The following NALF1 variants were observed in gnomAD, a reference collection of about 807,000 sequenced individuals.
The protein encoded by NALF1 is family with sequence similarity 155 member A.
A neutral mutation model predicts 48.4 loss-of-function variants in NALF1; 3 were observed. The observed-to-expected ratio is 0.06, with a 90% CI of 0.03 to 0.16. NALF1 has a LOEUF of 0.16. NALF1 is among the 10% of genes least tolerant of loss of function. NALF1 has a pLI of 1.00. For synonymous variants in NALF1, 262 were observed against 245.7 expected, an observed-to-expected ratio of 1.07 and a Z score of -0.62; for missense variants, 526 against 571.5, an observed-to-expected ratio of 0.92 and a Z score of 0.81.
At chr13:107,255,104 G>A (rs1880786042) in intron 1 of NALF1, among the ~76,000 whole-genome samples, 1 of 152,080 alleles carries the variant, frequency 6.6e-6, no homozygotes, top group Non-Finnish European at 1.5e-5. Context: ...TGGTACATGG[G>A]AAACATGTGT....
rs1555329321 is a variant in NALF1 at position 107,262,769 on chromosome 13, G to GCTCT, written c.916-52018_916-52015dup. On this transcript the variant is annotated intron_variant, in intron 1 of 2. Coordinates refer to ENST00000375915, the MANE Select transcript of NALF1 (RefSeq NM_001080396.3). ...ATATTAAGTTGCATAACCCACAGGC[G>GCTCT]CTCTCTCTCTCTCTCTCTCTCTCTC... 4.3e-3 allele frequency among the ~76,000 whole-genome samples: 617 copies of GCTCT among 144,064 alleles called. 4 individuals are homozygous for GCTCT. The highest frequency in any genetic ancestry group is 0.012 in the East Asian group (55 of 4,744). 94.5% of individuals were successfully genotyped at this position (144,064 alleles called of 152,430 possible).
intron 1 of NALF1, among the ~76,000 whole-genome samples, chr13:107,713,733 T>C (rs1442674825): frequency 2.6e-5 from 4 of 152,196 alleles, no homozygotes; most frequent in Non-Finnish European, 4.4e-5. Flanking sequence ...AACCAGCACA[T>C]ACATATGTGC....
chr13:107,443,277 G>C (rs1250388427), intron 1 of NALF1, among the ~76,000 whole-genome samples: 2 of 152,034 alleles, frequency 1.3e-5, no homozygotes, highest in Non-Finnish European at 2.9e-5. Context: ...GTGCAATAGT[G>C]CAATCTGGGC....
chr13:107,274,514 T>C (rs964984844), intron 1 of NALF1, among the ~76,000 whole-genome samples: 33 of 152,260 alleles, frequency 2.2e-4, no homozygotes, highest in East Asian at 7.7e-4. Context: ...GTGAGCTATG[T>C]TCGTACCACT....
intron 1 of NALF1, among the ~76,000 whole-genome samples, chr13:107,505,058 G>A (rs558917445): frequency 6.6e-6 from 1 of 151,968 alleles, no homozygotes; most frequent in South Asian, 2.1e-4. Context: ...AGCAGTAAAG[G>A]CTATGGAGAG....
At chr13:107,807,939 G>T (rs1472815429) in intron 1 of NALF1, among the ~76,000 whole-genome samples, 1 of 152,098 alleles carries the variant, frequency 6.6e-6, no homozygotes, top group Non-Finnish European at 1.5e-5. Flanking sequence ...AGACAGAGAG[G>T]AAGACTATAA....
intron 1 of NALF1, among the ~76,000 whole-genome samples, chr13:107,554,334 A>G (rs912943733): frequency 5.9e-5 from 9 of 152,124 alleles, no homozygotes; most frequent in Admixed American, 2.0e-4. Flanking sequence ...GTCCGGGGGG[A>G]AAAAGCTAGA....
At chr13:107,211,887 A>G (rs866487966) in intron 1 of NALF1, among the ~76,000 whole-genome samples, 7 of 152,306 alleles carry the variant, frequency 4.6e-5, no homozygotes, top group Non-Finnish European at 7.3e-5. Context: ...GATTCTCAGC[A>G]TGCACTTTTG....
chr13:107,322,159 A>G (rs1882269473), intron 1 of NALF1, among the ~76,000 whole-genome samples: 1 of 152,138 alleles, frequency 6.6e-6, no homozygotes, highest in Admixed American at 6.6e-5. Flanking sequence ...CTTCTTTTGT[A>G]TATGCTCTGT....
chr13:107,767,518 A>T (rs909015702), intron 1 of NALF1, among the ~76,000 whole-genome samples: 1 of 152,216 alleles, frequency 6.6e-6, no homozygotes, highest in African/African-American at 2.4e-5. Context: ...TCACAGGTCT[A>T]CATGTAAATT....
At chr13:107,790,780 A>T (rs918444540) in intron 1 of NALF1, among the ~76,000 whole-genome samples, 7 of 152,178 alleles carry the variant, frequency 4.6e-5, no homozygotes, top group Non-Finnish European at 7.4e-5. Flanking sequence ...ATGCATAGAA[A>T]ATGGGTGCAG....
chr13:107,797,602 T>A (rs751419511), intron 1 of NALF1, among the ~76,000 whole-genome samples: 1 of 152,210 alleles, frequency 6.6e-6, no homozygotes, highest in Non-Finnish European at 1.5e-5. Flanking sequence ...TGAGTCAGTG[T>A]TCTGGGCACT....
At chr13:107,841,300 A>T (rs1399941087) in intron 1 of NALF1, among the ~76,000 whole-genome samples, 2 of 152,146 alleles carry the variant, frequency 1.3e-5, no homozygotes, top group African/African-American at 4.8e-5. Flanking sequence ...CTGGCTAAAG[A>T]GCTTGCATGA....
chr13:107,766,464 G>C (rs886451129), intron 1 of NALF1, among the ~76,000 whole-genome samples: 19 of 152,158 alleles, frequency 1.2e-4, no homozygotes, highest in African/African-American at 4.6e-4. Context: ...TTTACTACAA[G>C]ATTGACTGAA....
chr13:107,706,172 CT>C (rs1486151249), intron 1 of NALF1, among the ~76,000 whole-genome samples: 2 of 152,112 alleles, frequency 1.3e-5, no homozygotes, highest in South Asian at 2.1e-4. Context: ...CTGCAGTATT[CT>C]GAAACAATAG....
At position 107,507,594 on chromosome 13, in the gene NALF1, TAAAAAA is replaced by T. The variant is rs548709767; in HGVS notation, c.916-296845_916-296840del. On this transcript the variant is annotated intron_variant, in intron 1 of 2. Coordinates refer to ENST00000375915, the MANE Select transcript of NALF1 (RefSeq NM_001080396.3). ...AGATGCCTAGATGTTTATTCTCCAT[TAAAAAA>T]AAAAAAAAAAAAAAAAAAAAAAGGG... Among the ~76,000 whole-genome samples the T allele has an allele frequency of 5.9e-3, 512 of 86,382 alleles. 7 individuals are homozygous for T. The highest frequency in any genetic ancestry group is 0.023 in the African/African-American group (415 of 17,864). 56.7% of individuals were successfully genotyped at this position (86,382 alleles called of 152,430 possible).
At chr13:107,701,129 T>G in intron 1 of NALF1, among the ~76,000 whole-genome samples, 1 of 152,294 alleles carries the variant, frequency 6.6e-6, no homozygotes, top group Non-Finnish European at 1.5e-5. Flanking sequence ...AATCCCTCTT[T>G]GGGGTGCATA....
chr13:107,679,393 C>T (rs1881217755), intron 1 of NALF1, among the ~76,000 whole-genome samples: 1 of 152,086 alleles, frequency 6.6e-6, no homozygotes, highest in African/African-American at 2.4e-5. Flanking sequence ...ATAATAGTTG[C>T]TCAATAAATA....
chr13:107,361,794 G>A (rs1397248506), intron 1 of NALF1, among the ~76,000 whole-genome samples: 9 of 152,156 alleles, frequency 5.9e-5, no homozygotes, highest in Admixed American at 2.6e-4. Flanking sequence ...CAGTCAGCTT[G>A]GCTGGTGATC....
Sources: allele counts gnomAD v4.1 joint callset (sites outside exome capture counted in the v4.1 genomes callset), GRCh38; gene constraint gnomAD v4.1.1; transcripts MANE v1.5; gene names NCBI Gene and HGNC (gene_info 2026-07-23, HGNC 2026-07-21).